KCND2: variants seen among roughly 807,000 people sequenced by gnomAD.
The protein encoded by KCND2 is A-type voltage-gated potassium channel KCND2.
Under a neutral mutation model 54.4 loss-of-function variants are expected in KCND2, and 16 were observed. The observed-to-expected ratio is 0.29, with a 90% CI of 0.20 to 0.45. The LOEUF (loss-of-function observed/expected upper bound fraction) is 0.45. KCND2 is among the 20% of genes least tolerant of loss of function. The pLI is 1.00. For missense variants in KCND2, 486 were observed against 824.2 expected (o/e 0.59, Z 5.02); for synonymous variants, 317 against 310.7 (o/e 1.02, Z -0.21).
At chr7:120,591,507 T>G (rs1269099619) in intron 1 of KCND2, among the ~76,000 whole-genome samples, 1 of 152,212 alleles carries the variant, frequency 6.6e-6, no homozygotes, top group East Asian at 1.9e-4. Flanking sequence ...AATAAAGTAA[T>G]GCAGTGGAAA....
intron 1 of KCND2, among the ~76,000 whole-genome samples, chr7:120,674,028 C>T (rs1452526504): frequency 6.6e-6 from 1 of 152,008 alleles, no homozygotes; most frequent in Non-Finnish European, 1.5e-5. Flanking sequence ...CCTCAGCCTC[C>T]CAAGTAGCTG....
intron 1 of KCND2, among the ~76,000 whole-genome samples, chr7:120,426,451 TA>T (rs1048960087): frequency 3.9e-5 from 6 of 152,284 alleles, no homozygotes; most frequent in Admixed American, 3.3e-4. Context: ...ATTTGACTCT[TA>T]AAAGTTTAAC....
intron 1 of KCND2, among the ~76,000 whole-genome samples, chr7:120,620,903 G>C (rs183680115): frequency 6.6e-6 from 1 of 152,138 alleles, no homozygotes; most frequent in African/African-American, 2.4e-5. Context: ...ATAATTTAAA[G>C]GCATAAAATA....
intron 1 of KCND2, among the ~76,000 whole-genome samples, chr7:120,516,317 T>C (rs1803195774): frequency 6.6e-6 from 1 of 152,060 alleles, no homozygotes; most frequent in Non-Finnish European, 1.5e-5. Flanking sequence ...GCCAAGAGAG[T>C]GTCCTTTTTA....
At chr7:120,342,259 A>T (rs1800250703) in intron 1 of KCND2, among the ~76,000 whole-genome samples, 1 of 152,130 alleles carries the variant, frequency 6.6e-6, no homozygotes, top group African/African-American at 2.4e-5. Flanking sequence ...CTGGAATGGG[A>T]TAAAAATAAA....
At chr7:120,662,533 A>G (rs1219880063) in intron 1 of KCND2, among the ~76,000 whole-genome samples, 3 of 152,196 alleles carry the variant, frequency 2.0e-5, no homozygotes, top group South Asian at 2.1e-4. Context: ...TGCAATAGCC[A>G]TGCTTTACAA....
intron 1 of KCND2, among the ~76,000 whole-genome samples, chr7:120,292,831 G>T (rs370610630): frequency 1.3e-5 from 2 of 151,632 alleles, no homozygotes; most frequent in East Asian, 1.9e-4. Context: ...TTTTGCTGGG[G>T]TTATCTTCCC....
chr7:120,666,251 T>G (rs377173955), intron 1 of KCND2, among the ~76,000 whole-genome samples: 1 of 152,072 alleles, frequency 6.6e-6, no homozygotes, highest in Admixed American at 6.5e-5. Context: ...TAAAGAACAT[T>G]GTGATCTATG....
chr7:120,523,024 G>T (rs1229230907), intron 1 of KCND2, among the ~76,000 whole-genome samples: 1 of 152,118 alleles, frequency 6.6e-6, no homozygotes, highest in Non-Finnish European at 1.5e-5. Flanking sequence ...AAGACACAGA[G>T]CCCATGTAGG....
intron 1 of KCND2, among the ~76,000 whole-genome samples, chr7:120,607,463 C>G (rs1198959947): frequency 1.3e-5 from 2 of 152,082 alleles, no homozygotes; most frequent in African/African-American, 2.4e-5. Context: ...TGGTACTACC[C>G]ACTATCTCAT....
intron 1 of KCND2, among the ~76,000 whole-genome samples, chr7:120,416,996 C>T (rs1282053261): frequency 6.6e-6 from 1 of 152,128 alleles, no homozygotes; most frequent in African/African-American, 2.4e-5. Context: ...CAGGCATGCA[C>T]CACCATGCCC....
intron 1 of KCND2, among the ~76,000 whole-genome samples, chr7:120,410,458 A>G (rs896904426): frequency 6.6e-6 from 1 of 151,968 alleles, no homozygotes; most frequent in Non-Finnish European, 1.5e-5. Flanking sequence ...TTTATTAAAT[A>G]TGTAGATCAC....
intron 1 of KCND2, among the ~76,000 whole-genome samples, chr7:120,294,605 A>T (rs1799482050): frequency 6.6e-6 from 1 of 151,920 alleles, no homozygotes; most frequent in African/African-American, 2.4e-5. Context: ...ACATACATAT[A>T]GGTTCTACCA....
chr7:120,290,632 T>C (rs1169406486), intron 1 of KCND2, among the ~76,000 whole-genome samples: 2 of 152,020 alleles, frequency 1.3e-5, no homozygotes, highest in African/African-American at 2.4e-5. Flanking sequence ...ATATGGAGAA[T>C]ATTTCCAAAT....
At chr7:120,486,629 C>T (rs1802697579) in intron 1 of KCND2, among the ~76,000 whole-genome samples, 1 of 151,798 alleles carries the variant, frequency 6.6e-6, no homozygotes, top group Non-Finnish European at 1.5e-5. Flanking sequence ...ATTAAAATTT[C>T]CATGCTGAAA....
chr7:120,467,729 C>T lies in KCND2; in HGVS notation c.1115+191982C>T, dbSNP rs1802399994. Among the ~76,000 whole-genome samples the T allele has an allele frequency of 2.6e-5, 4 of 151,984 alleles. No homozygotes were observed. In the South Asian group the frequency reaches 6.2e-4, roughly 24 times the overall value. On this transcript the variant is annotated intron_variant, in intron 1 of 5. Transcript: ENST00000331113. ...TTTGTTTACTCCTTTTTGTCATCTGCGTTCAGTTTCATAATAAGCTATACA... is the reference window on the plus strand; with the variant it reads ...TTTGTTTACTCCTTTTTGTCATCTGTGTTCAGTTTCATAATAAGCTATACA...
intron 1 of KCND2, among the ~76,000 whole-genome samples, chr7:120,608,767 C>T (rs1368873077): frequency 6.6e-6 from 1 of 152,068 alleles, no homozygotes; most frequent in Non-Finnish European, 1.5e-5. Context: ...CCTCAAACAC[C>T]TCAAAACACC....
chr7:120,582,889 T>C (rs2116445851), intron 1 of KCND2, among the ~76,000 whole-genome samples: 1 of 152,188 alleles, frequency 6.6e-6, no homozygotes, highest in South Asian at 2.1e-4. Flanking sequence ...GGACTTTCTG[T>C]AGTTTCTTTA....
chr7:120,451,258 T>C (rs975677673), intron 1 of KCND2, among the ~76,000 whole-genome samples: 1 of 152,196 alleles, frequency 6.6e-6, no homozygotes. Flanking sequence ...ACAGCTTGAC[T>C]TACCCTAACG....
Sources: gnomAD v4.1 joint callset for allele counts (sites outside exome capture counted in the v4.1 genomes callset) on GRCh38, gnomAD v4.1.1 for gene constraint, MANE v1.5 for transcripts, NCBI Gene and HGNC (gene_info 2026-07-23, HGNC 2026-07-21) for gene names.